MARCHF5: variants seen among roughly 807,000 people sequenced by gnomAD.
MARCHF5 encodes E3 ubiquitin-protein ligase MARCHF5.
A neutral mutation model predicts 36.5 loss-of-function variants in MARCHF5; 5 were observed. That is an observed-to-expected ratio of 0.14 (90% CI 0.07 to 0.29). The LOEUF (loss-of-function observed/expected upper bound fraction) is 0.29. MARCHF5 is among the 10% of genes least tolerant of loss of function. The pLI, the probability that MARCHF5 is intolerant of heterozygous loss-of-function variation, is 1.00. For synonymous variants in MARCHF5, 103 were observed against 109.9 expected (o/e 0.94, Z 0.39); for missense variants, 179 against 336.3 (o/e 0.53, Z 3.66).
intron 3 of MARCHF5, among the ~76,000 whole-genome samples, chr10:92,345,638 A>T (rs1478978994): frequency 6.7e-6 from 1 of 149,494 alleles, no homozygotes. Flanking sequence ...AAAACAAAAA[A>T]TTATTTTTCT....
intron 3 of MARCHF5, among the ~76,000 whole-genome samples, chr10:92,343,168 T>C (rs777969277): frequency 1.5e-4 from 23 of 152,338 alleles, no homozygotes; most frequent in African/African-American, 2.2e-4. Context: ...CCCATCCTTA[T>C]GTTGTGTAGT....
chr10:92,324,086 C>G (rs1303908874), intron 2 of MARCHF5, among the ~76,000 whole-genome samples: 1 of 152,202 alleles, frequency 6.6e-6, no homozygotes, highest in Non-Finnish European at 1.5e-5. Context: ...TTGGGTCATT[C>G]TGATAGATGT....
At chr10:92,333,984 G>T (rs953447155) in intron 2 of MARCHF5, among the ~76,000 whole-genome samples, 1 of 152,128 alleles carries the variant, frequency 6.6e-6, no homozygotes, top group Non-Finnish European at 1.5e-5. Flanking sequence ...GAGACCAGAA[G>T]TTCTAGACCA....
chr10:92,306,018 G>A (rs988035587), intron 1 of MARCHF5, among the ~76,000 whole-genome samples: 2 of 152,160 alleles, frequency 1.3e-5, no homozygotes, highest in Non-Finnish European at 2.9e-5. Flanking sequence ...GATCATTTTG[G>A]TTGCACATGA....
intron 1 of MARCHF5, among the ~76,000 whole-genome samples, chr10:92,300,066 C>T (rs1041287372): frequency 2.2e-4 from 34 of 151,532 alleles, no homozygotes; most frequent in Non-Finnish European, 3.2e-4. Context: ...GAGGCTGAAG[C>T]GGGAGGTTCA....
intron 1 of MARCHF5, among the ~76,000 whole-genome samples, chr10:92,304,906 C>T (rs1843055854): frequency 6.6e-6 from 1 of 152,176 alleles, no homozygotes; most frequent in Admixed American, 6.5e-5. Context: ...GGTTTGAACC[C>T]AGACAATCTG....
At chr10:92,318,776 G>A (rs937412979) in intron 2 of MARCHF5, among the ~76,000 whole-genome samples, 9 of 151,936 alleles carry the variant, frequency 5.9e-5, no homozygotes, top group Admixed American at 3.9e-4. Context: ...TCGGCTCACT[G>A]CAACCTCTGC....
At chr10:92,336,333 G>C (rs1843501744) in intron 2 of MARCHF5, among the ~76,000 whole-genome samples, 1 of 152,092 alleles carries the variant, frequency 6.6e-6, no homozygotes, top group African/African-American at 2.4e-5. Flanking sequence ...CACCATGCCC[G>C]GCCTGGAGCT....
At chr10:92,293,103 T>G (rs1241918212) in intron 1 of MARCHF5, among the ~76,000 whole-genome samples, 1 of 152,116 alleles carries the variant, frequency 6.6e-6, no homozygotes, top group Non-Finnish European at 1.5e-5. Context: ...TTTTTTCTTC[T>G]TTTTTTGAGA....
At chr10:92,293,016 C>T (rs1465895151) in intron 1 of MARCHF5, among the ~76,000 whole-genome samples, 1 of 152,174 alleles carries the variant, frequency 6.6e-6, no homozygotes, top group East Asian at 1.9e-4. Flanking sequence ...TGTTGAGACC[C>T]TGTTCTGATG....
intron 1 of MARCHF5, among the ~76,000 whole-genome samples, chr10:92,295,742 C>T (rs1395485609): frequency 2.0e-5 from 3 of 151,286 alleles, no homozygotes; most frequent in African/African-American, 7.3e-5. Context: ...GTTGAATTCC[C>T]TTGTCCTTTG....
intron 2 of MARCHF5, among the ~76,000 whole-genome samples, chr10:92,323,338 G>T (rs1332315728): frequency 6.6e-6 from 1 of 152,078 alleles, no homozygotes; most frequent in Non-Finnish European, 1.5e-5. Context: ...TCAACATCTT[G>T]TACCAGAGTG....
chr10:92,338,304 C>A (rs1843529764), intron 2 of MARCHF5, among the ~76,000 whole-genome samples: 1 of 152,166 alleles, frequency 6.6e-6, no homozygotes, highest in Non-Finnish European at 1.5e-5. Flanking sequence ...ACTAAGATGA[C>A]TTTTATTGTG....
At chr10:92,333,655 AG>A (rs1036920474) in intron 2 of MARCHF5, 1 of 985,180 alleles carries the variant, frequency 1.0e-6, no homozygotes, top group Non-Finnish European at 1.2e-6. Flanking sequence ...TAGTATGTAA[AG>A]GAAGCCTCAT....
intron 3 of MARCHF5, 117 bp downstream of exon 3, chr10:92,340,920 T>C (rs1843570797): frequency 2.1e-6 from 2 of 948,224 alleles, no homozygotes; most frequent in Admixed American, 3.0e-5. Flanking sequence ...TCATGTTCTT[T>C]CTAAATGTTA....
At chr10:92,345,695 T>C (rs1381958814) in intron 3 of MARCHF5, among the ~76,000 whole-genome samples, 1 of 130,160 alleles carries the variant, frequency 7.7e-6, no homozygotes, top group Non-Finnish European at 1.7e-5. Context: ...TTTTTTTTTT[T>C]TCTTTTTTTT....
intron 2 of MARCHF5, among the ~76,000 whole-genome samples, chr10:92,316,854 C>T (rs1239814190): frequency 1.3e-5 from 2 of 152,154 alleles, no homozygotes; most frequent in Non-Finnish European, 2.9e-5. Context: ...GCAAGAACCA[C>T]CACACCCAGC....
chr10:92,333,617 AG>A, intron 2 of MARCHF5: 1 of 983,060 alleles, frequency 1.0e-6, no homozygotes, highest in Non-Finnish European at 1.2e-6. Flanking sequence ...ATTATGCACA[AG>A]CAAAGGGGTA....
At chr10:92,331,109 G>GA (rs150490404) in intron 2 of MARCHF5, among the ~76,000 whole-genome samples, 1 of 151,608 alleles carries the variant, frequency 6.6e-6, no homozygotes, top group Non-Finnish European at 1.5e-5. Flanking sequence ...TATGTTTAAA[G>GA]AAAAAAAGAC....
Sources: allele counts gnomAD v4.1 joint callset (sites outside exome capture counted in the v4.1 genomes callset), GRCh38; gene constraint gnomAD v4.1.1; transcripts MANE v1.5; gene names NCBI Gene and HGNC (gene_info 2026-07-23, HGNC 2026-07-21).